Variants in SLC35D4 observed in about 807,000 individuals in gnomAD.
The protein encoded by SLC35D4 is solute carrier family 35 member D4, also known as UDP-N-acetylglucosamine transporter SLC35D4.
the SLC35D4 span, among the ~76,000 whole-genome samples, chr18:23,321,132 C>T: frequency 6.6e-6 from 1 of 152,248 alleles, no homozygotes; most frequent in Non-Finnish European, 1.5e-5. Context: ...CAACTATCCT[C>T]CTCCTTCCTT....
the SLC35D4 span, among the ~76,000 whole-genome samples, chr18:23,328,338 T>C: frequency 6.6e-6 from 1 of 152,232 alleles, no homozygotes; most frequent in African/African-American, 2.4e-5. Flanking sequence ...CTTAAGCTGA[T>C]AAGCAACTTC....
chr18:23,390,801 TG>T, the SLC35D4 span, among the ~76,000 whole-genome samples: 1 of 152,216 alleles, frequency 6.6e-6, no homozygotes, highest in African/African-American at 2.4e-5. Flanking sequence ...CCTTTCTATT[TG>T]GGTGATTTTT....
the SLC35D4 span, among the ~76,000 whole-genome samples, chr18:23,361,789 G>GC: frequency 5.1e-4 from 78 of 152,264 alleles, no homozygotes; most frequent in African/African-American, 1.9e-3. Context: ...ATTAATCCAT[G>GC]CAAGTATCCC....
chr18:23,359,011 C>T, the SLC35D4 span, among the ~76,000 whole-genome samples: 1 of 152,148 alleles, frequency 6.6e-6, no homozygotes, highest in African/African-American at 2.4e-5. Context: ...CAAACTCGAT[C>T]CAGGAGTCTG....
chr18:23,384,081 G>A, the SLC35D4 span, among the ~76,000 whole-genome samples: 2 of 150,650 alleles, frequency 1.3e-5, no homozygotes, highest in African/African-American at 2.4e-5. Context: ...TTAAGCCTAG[G>A]AGCTCGAGAA....
the SLC35D4 span, among the ~76,000 whole-genome samples, chr18:23,352,932 G>A: frequency 1.3e-5 from 2 of 152,208 alleles, no homozygotes; most frequent in Non-Finnish European, 2.9e-5. Context: ...ACAAGGGCGA[G>A]GGCACAGCAG....
At chr18:23,394,258 T>A in the SLC35D4 span, among the ~76,000 whole-genome samples, 2 of 152,216 alleles carry the variant, frequency 1.3e-5, no homozygotes, top group Non-Finnish European at 2.9e-5. Flanking sequence ...TTCTCATAGG[T>A]GTGAAGTGGT....
the SLC35D4 span, among the ~76,000 whole-genome samples, chr18:23,279,997 G>A: frequency 2.6e-5 from 4 of 152,124 alleles, no homozygotes; most frequent in Non-Finnish European, 4.4e-5. Context: ...GAGTCACTGC[G>A]CCCAGTCAAT....
At chr18:23,394,244 G>GCCATTCT in the SLC35D4 span, among the ~76,000 whole-genome samples, 3 of 152,128 alleles carry the variant, frequency 2.0e-5, no homozygotes, top group African/African-American at 7.2e-5. Flanking sequence ...TTTGGTAACA[G>GCCATTCT]CCATTCTCAT....
the SLC35D4 span, among the ~76,000 whole-genome samples, chr18:23,309,189 T>TA: frequency 6.6e-6 from 1 of 151,176 alleles, no homozygotes; most frequent in Admixed American, 6.6e-5. Flanking sequence ...ACAGTTGGTT[T>TA]AATCTGAGGA....
At chr18:23,270,632 G>A in the SLC35D4 span, among the ~76,000 whole-genome samples, 6 of 152,198 alleles carry the variant, frequency 3.9e-5, no homozygotes, top group African/African-American at 7.2e-5. Context: ...CCACAGGGGC[G>A]GAGCTGCTCA....
At chr18:23,270,390 C>A in the SLC35D4 span, among the ~76,000 whole-genome samples, 1 of 152,368 alleles carries the variant, frequency 6.6e-6, no homozygotes, top group South Asian at 2.1e-4. Flanking sequence ...GCTTCAGGGG[C>A]AGAGCCCTCA....
At chr18:23,423,455 G>A in the SLC35D4 span, among the ~76,000 whole-genome samples, 1 of 152,204 alleles carries the variant, frequency 6.6e-6, no homozygotes, top group South Asian at 2.1e-4. Flanking sequence ...AGGAGCGGAA[G>A]GTATGCCACT....
chr18:23,404,242 A>G, the SLC35D4 span, among the ~76,000 whole-genome samples: 8 of 152,196 alleles, frequency 5.3e-5, no homozygotes, highest in African/African-American at 1.9e-4. Flanking sequence ...CTTCATTGCT[A>G]TGGTCTGAAT....
the SLC35D4 span, among the ~76,000 whole-genome samples, chr18:23,401,608 A>G: frequency 6.6e-6 from 1 of 152,220 alleles, no homozygotes; most frequent in Admixed American, 6.5e-5. Flanking sequence ...GTTGTGCACC[A>G]GAAGGAAGCA....
the SLC35D4 span, chr18:23,253,090 T>A: frequency 7.2e-7 from 1 of 1,388,386 alleles, no homozygotes; most frequent in South Asian, 1.2e-5. Context: ...GACTTGCCTG[T>A]GACCTTTCCC....
the SLC35D4 span, among the ~76,000 whole-genome samples, chr18:23,246,907 G>A: frequency 6.6e-6 from 1 of 152,156 alleles, no homozygotes; most frequent in Non-Finnish European, 1.5e-5. Context: ...TGGCCAAGCT[G>A]GTCTCGAACT....
chr18:23,275,608 T>TGCTGTGCCGTGCTGTGCC, the SLC35D4 span, among the ~76,000 whole-genome samples: 4 of 83,584 alleles, frequency 4.8e-5, no homozygotes, highest in African/African-American at 1.9e-4. Flanking sequence ...TGTGCTGTGC[T>TGCTGTGCCGTGCTGTGCC]GTGCTGTGCT....
the SLC35D4 span, among the ~76,000 whole-genome samples, chr18:23,309,228 TTGTGTGTG>T: frequency 3.0e-3 from 433 of 145,458 alleles, 6 homozygotes; most frequent in South Asian, 7.6e-3. Flanking sequence ...AAAGGGCTGA[TTGTGTGTG>T]TGTGTGTGTG....
Sources: gnomAD v4.1 joint callset for allele counts (sites outside exome capture counted in the v4.1 genomes callset) on GRCh38, gnomAD v4.1.1 for gene constraint, MANE v1.5 for transcripts, NCBI Gene and HGNC (gene_info 2026-07-23, HGNC 2026-07-21) for gene names.